ASPH: variants seen among roughly 807,000 people sequenced by gnomAD.
The protein encoded by ASPH is aspartate beta-hydroxylase.
Under a neutral mutation model 118.4 loss-of-function variants are expected in ASPH, and 100 were observed. That is an observed-to-expected ratio of 0.84 (90% confidence interval 0.72 to 1.00). The LOEUF is 1.00. Ranked by LOEUF, ASPH falls within the 50% of genes least tolerant of loss-of-function variation. The pLI is 0.00. For synonymous variants in ASPH, 315 were observed against 325.6 expected, an observed-to-expected ratio of 0.97 and a Z score of 0.35; for missense variants, 920 against 919.5, an observed-to-expected ratio of 1.00 and a Z score of -0.01.
chr8:61,617,651 C>T (rs1327993754), intron 14 of ASPH, among the ~76,000 whole-genome samples: 4 of 151,994 alleles, frequency 2.6e-5, no homozygotes, highest in Non-Finnish European at 4.4e-5. Flanking sequence ...ACAGCTAAGG[C>T]CAGGCACGGT....
intron 24 of ASPH, among the ~76,000 whole-genome samples, chr8:61,508,934 C>T (rs764510867): frequency 6.6e-6 from 1 of 152,180 alleles, no homozygotes; most frequent in Non-Finnish European, 1.5e-5. Context: ...CTGAAATTCC[C>T]CAGTTCAGAC....
intron 1 of ASPH, among the ~76,000 whole-genome samples, chr8:61,698,961 G>A (rs888358736): frequency 1.3e-5 from 2 of 152,202 alleles, no homozygotes; most frequent in African/African-American, 4.8e-5. Context: ...TTTGCCCTTG[G>A]TTACTTCAGT....
At chr8:61,636,965 C>T (rs1029872209) in intron 12 of ASPH, among the ~76,000 whole-genome samples, 7 of 152,134 alleles carry the variant, frequency 4.6e-5, no homozygotes, top group African/African-American at 9.7e-5. Flanking sequence ...AGCAGCTAAG[C>T]GGACACAGAC....
rs4607601 is a variant in ASPH at position 61,527,602 on chromosome 8, G to A, written c.1765-1490C>T. Among the ~76,000 whole-genome samples, 1,503 of 152,310 alleles carry A rather than the reference G, an allele frequency of 9.9e-3. 29 individuals carry two copies. Among genetic ancestry groups the A allele is most frequent in the African/African-American group, 0.034 (1,411 of 41,570 alleles). Reference sequence around the variant, plus strand: ...ACGGAAGACCAATGAGATGTGGGGAGGCCAAAGGAGAACTTTATTTTTCAA... The same window carrying A: ...ACGGAAGACCAATGAGATGTGGGGAAGCCAAAGGAGAACTTTATTTTTCAA... On this transcript the variant is annotated intron_variant, in intron 21 of 24. Coordinates refer to ENST00000379454, the MANE Select transcript of ASPH (RefSeq NM_004318.4).
At chr8:61,567,022 G>T in intron 17 of ASPH, 146 bp downstream of exon 17, 1 of 992,536 alleles carries the variant, frequency 1.0e-6, no homozygotes, top group Non-Finnish European at 1.4e-6. Flanking sequence ...GAGATGGTGA[G>T]CCTAGGACAG....
At chr8:61,553,005 G>A in intron 20 of ASPH, 26 bp downstream of exon 20, 2 of 1,531,734 alleles carry the variant, frequency 1.3e-6, no homozygotes, top group Middle Eastern at 1.7e-4. Flanking sequence ...CTGTTAGAGA[G>A]AATCAGAAAT....
chr8:61,506,992 C>A (rs1473681639), intron 24 of ASPH, among the ~76,000 whole-genome samples: 3 of 152,128 alleles, frequency 2.0e-5, no homozygotes, highest in African/African-American at 7.2e-5. Flanking sequence ...CTACTTAAAA[C>A]ACTAGAAGTA....
chr8:61,589,851 A>C (rs1194924249), intron 14 of ASPH, among the ~76,000 whole-genome samples: 1 of 152,208 alleles, frequency 6.6e-6, no homozygotes, highest in Admixed American at 6.5e-5. Context: ...ACTAATAGTT[A>C]GAGGAATATG....
chr8:61,512,844 C>T (rs920678401), intron 24 of ASPH, among the ~76,000 whole-genome samples: 1 of 152,140 alleles, frequency 6.6e-6, no homozygotes, highest in Admixed American at 6.5e-5. Flanking sequence ...CATATATAGA[C>T]ATTGAGAAGC....
At chr8:61,636,900 A>G (rs1858045831) in intron 12 of ASPH, among the ~76,000 whole-genome samples, 1 of 152,132 alleles carries the variant, frequency 6.6e-6, no homozygotes, top group Non-Finnish European at 1.5e-5. Flanking sequence ...TGCCACACAG[A>G]GATGGATCCT....
chr8:61,625,837 C>T lies in ASPH; in HGVS notation c.935-6818G>A, dbSNP rs1044942189. The T allele has an allele frequency of 5.0e-6, 5 of 990,842 alleles. No individual in the cohort carries two copies. The African/African-American group carries it at 7.0e-5, about 14-fold the overall frequency. 61.4% of individuals were successfully genotyped at this position (990,842 alleles called of 1,614,324 possible). A position where few individuals can be genotyped will look rare whatever the true frequency, so the allele number is the denominator to read the frequency against. ...AAAGTACTCTTAATAGCTTTTAAAT[C>T]ATGTTTAACACAGTGTACACAAGTC... is the stretch of plus-strand genomic sequence containing the variant. On this transcript the variant is annotated intron_variant, in intron 13 of 24. Transcript: ENST00000379454.
chr8:61,525,653 C>G (rs1815032485), intron 22 of ASPH, among the ~76,000 whole-genome samples: 1 of 152,162 alleles, frequency 6.6e-6, no homozygotes, highest in African/African-American at 2.4e-5. Context: ...CTAGATTTTT[C>G]AGTTATGCCT....
chr8:61,578,544 G>C (rs1836146958), intron 15 of ASPH: 1 of 1,539,646 alleles, frequency 6.5e-7, no homozygotes, highest in Non-Finnish European at 9.0e-7. Context: ...CACAGACAAG[G>C]TACGGTTCCT....
chr8:61,661,989 G>A (rs1308917770), intron 3 of ASPH: 11 of 403,090 alleles, frequency 2.7e-5, no homozygotes, highest in East Asian at 1.8e-4. Context: ...TACCAATGAC[G>A]TTAGGAATAA....
At chr8:61,536,463 A>T (rs1819641814) in intron 21 of ASPH, among the ~76,000 whole-genome samples, 1 of 152,234 alleles carries the variant, frequency 6.6e-6, no homozygotes, top group Non-Finnish European at 1.5e-5. Context: ...CAGACACTCT[A>T]AAGGCAGGCA....
intron 3 of ASPH, chr8:61,680,759 A>T (rs181935353): frequency 2.5e-6 from 1 of 403,150 alleles, no homozygotes; most frequent in African/African-American, 2.1e-5. Context: ...TGTGTAAGAG[A>T]TATACACTTA....
At chr8:61,640,550 T>C (rs930971125) in intron 10 of ASPH, among the ~76,000 whole-genome samples, 2 of 152,222 alleles carry the variant, frequency 1.3e-5, no homozygotes, top group Non-Finnish European at 1.5e-5. Flanking sequence ...ATCCACAAAC[T>C]AGGTAAGGTC....
chr8:61,525,733 T>C (rs532272955), intron 22 of ASPH, among the ~76,000 whole-genome samples: 1 of 152,028 alleles, frequency 6.6e-6, no homozygotes, highest in Admixed American at 6.5e-5. Flanking sequence ...ACACTATTCA[T>C]GAATATTTAT....
chr8:61,506,759 TA>T (rs1258915250), intron 24 of ASPH, among the ~76,000 whole-genome samples: 1 of 151,802 alleles, frequency 6.6e-6, no homozygotes, highest in African/African-American at 2.4e-5. Context: ...TAAAGAAAAA[TA>T]GGGAAAAGAT....
Sources: gnomAD v4.1 joint callset for allele counts (sites outside exome capture counted in the v4.1 genomes callset) on GRCh38, gnomAD v4.1.1 for gene constraint, MANE v1.5 for transcripts, NCBI Gene and HGNC (gene_info 2026-07-23, HGNC 2026-07-21) for gene names.